The following ADGRG4 variants were observed in gnomAD, a reference collection of about 807,000 sequenced individuals.
ADGRG4 encodes the protein adhesion G protein-coupled receptor G4.
A neutral mutation model predicts 126.2 loss-of-function variants in ADGRG4; 122 were observed. The observed-to-expected ratio is 0.97, with a 90% confidence interval of 0.83 to 1.12. ADGRG4 has a LOEUF of 1.12. Ranked by LOEUF, ADGRG4 falls within the 50% of genes most tolerant of loss-of-function variation. The pLI, the probability that ADGRG4 is intolerant of heterozygous loss-of-function variation, is 0.00. For missense variants in ADGRG4, 2,481 were observed against 2,251.8 expected, an observed-to-expected ratio of 1.10 and a Z score of -2.06; for synonymous variants, 943 against 838.7, an observed-to-expected ratio of 1.12 and a Z score of -2.15.
rs192088813 is a variant in ADGRG4, at chrX:136,346,134, C to A, written c.2428C>A (p.Gln810Lys). ...TGAGGAAAGTGCTTCTGAGACCACA[C>A]AAACAGAAATAAATGGTGCAATTGT... ...STEESASETT[Q>K]TEINGAIVFG... Residue 810 changes from glutamine to lysine, a missense_variant, in exon 6 of 26, where the codon CAA (glutamine) becomes AAA (lysine). Transcript: ENST00000394143. 8.3e-7 allele frequency: 1 copy of A among 1,207,814 alleles called. No individual in the cohort carries two copies. The highest frequency in any genetic ancestry group is 1.7e-5 in the African/African-American group (1 of 57,194).
At chrX:136,301,118 G>A (rs1272704868) in intron 1 of ADGRG4, 118 bp downstream of exon 1, 1 of 111,995 alleles carries the variant, frequency 8.9e-6, no homozygotes, top group Middle Eastern at 4.2e-3. Flanking sequence ...GGGGTGGCTG[G>A]GTCAAATGGT....
chrX:136,347,395 AC>A lies in ADGRG4; in HGVS notation c.3690del (p.His1230GlnfsTer19). On this transcript the variant is annotated frameshift_variant, in exon 6 of 26. Transcript: ENST00000394143. LOFTEE classifies it high-confidence loss of function. ...AAGTTGACTACTTCAGTAAACAGTCACATTTCTTCATCTGCCACATATCGTG... is the reference window on the plus strand; with the variant it reads ...AAGTTGACTACTTCAGTAAACAGTCAATTTCTTCATCTGCCACATATCGTG... ...ANKLTTSVNS[H>X]ISSSATYRVH... The A allele has an allele frequency of 8.3e-7, 1 of 1,210,624 alleles. No individual in the cohort carries two copies. The highest frequency in any genetic ancestry group is 1.1e-6 in the Non-Finnish European group (1 of 894,662).
intron 15 of ADGRG4, among the ~76,000 whole-genome samples, chrX:136,376,414 T>C (rs2075225600): frequency 8.9e-6 from 1 of 112,074 alleles, no homozygotes; most frequent in Non-Finnish European, 1.9e-5. Flanking sequence ...TTTAGAATTT[T>C]TTTCTAGTTC....
intron 21 of ADGRG4, among the ~76,000 whole-genome samples, chrX:136,400,716 G>C (rs2075375094): frequency 9.0e-6 from 1 of 111,606 alleles, no homozygotes; most frequent in African/African-American, 3.3e-5. Context: ...ATGGGTGAAA[G>C]AGTGCTGGGT....
chrX:136,354,251 A>G (rs1423130085), intron 8 of ADGRG4, among the ~76,000 whole-genome samples: 1 of 111,847 alleles, frequency 8.9e-6, no homozygotes, highest in Non-Finnish European at 1.9e-5. Flanking sequence ...TATAACAAAA[A>G]TGCTATAGAC....
chrX:136,414,082 A>G (rs1603301734), intron 24 of ADGRG4, 78 bp from the exon 25 acceptor site: 1 of 853,622 alleles, frequency 1.2e-6, no homozygotes, highest in East Asian at 3.2e-5. Context: ...AGTGTAATTT[A>G]TATACCATAC....
chrX:136,376,132 C>T (rs2075224100), intron 15 of ADGRG4, among the ~76,000 whole-genome samples: 2 of 111,889 alleles, frequency 1.8e-5, no homozygotes, highest in African/African-American at 6.5e-5. Flanking sequence ...TACCAATTAT[C>T]CCAGCACCAT....
rs1244484065 is a variant in ADGRG4, at chrX:136,387,726, G to T, written c.7777-14G>T. 8.3e-7 allele frequency: 1 copy of T among 1,198,421 alleles called. No homozygotes were observed. Among genetic ancestry groups the T allele is most frequent in the Middle Eastern group, 2.3e-4 (1 of 4,285 alleles). On this transcript the variant is annotated splice_polypyrimidine_tract_variant and intron_variant, in intron 15 of 25. Transcript: ENST00000394143. ...TGAAGACTCCAATTTTCATTTTTTG[G>T]CTTTTCTTGGCAGATTTTCCTAGGC...
At chrX:136,342,623 G>A (rs1369903746) in intron 5 of ADGRG4, among the ~76,000 whole-genome samples, 1 of 110,744 alleles carries the variant, frequency 9.0e-6, no homozygotes, top group Non-Finnish European at 1.9e-5. Context: ...ATTGGCAGAA[G>A]TTAATCAGAT....
At chrX:136,366,271 A>C (rs1053801547) in intron 13 of ADGRG4, among the ~76,000 whole-genome samples, 3 of 112,160 alleles carry the variant, frequency 2.7e-5, no homozygotes, top group African/African-American at 9.7e-5. Context: ...AAGGCCATAT[A>C]GTTGGAATCT....
chrX:136,416,608 T>C lies in ADGRG4; in HGVS notation c.*117T>C, dbSNP rs1447575291. ...GCACCAAAATCTCACAAATCACCAC[T>C]AAATAATGTACTCATGTAACCAAAT... On this transcript the variant is annotated 3_prime_UTR_variant, in exon 26 of 26. Coordinates refer to ENST00000394143, the MANE Select transcript of ADGRG4 (RefSeq NM_153834.4). The C allele has an allele frequency of 1.2e-5, 6 of 491,590 alleles. No individual in the cohort carries two copies. The highest frequency in any genetic ancestry group is 2.0e-5 in the Non-Finnish European group (6 of 296,208). The allele number at this position is 491,590 out of a possible 1,213,427, so 40.5% of individuals were successfully genotyped here. A position where few individuals can be genotyped will look rare whatever the true frequency, so the allele number is the denominator to read the frequency against.
Position 136,346,486 on chromosome X carries a change from T to G in ADGRG4, c.2780T>G (p.Met927Arg). The change falls in exon 6 of 26, where the codon ATG (methionine) becomes AGG (arginine). Residue 927 changes from methionine to arginine, a missense_variant. Physicochemically the swap from Met to Arg is moderately conservative, Grantham distance 91. Coordinates refer to ENST00000394143, the MANE Select transcript of ADGRG4 (RefSeq NM_153834.4). Reference sequence around the variant, plus strand: ...ACACCTAGGAGTTCATACAATGAAATGACAGAAATGTTTAATTTTAACCAC... The same window carrying G: ...ACACCTAGGAGTTCATACAATGAAAGGACAGAAATGTTTAATTTTAACCAC... ...KTTPRSSYNEMTEMFNFNHTY... is the reference protein window; with the variant it reads ...KTTPRSSYNERTEMFNFNHTY... The G allele has an allele frequency of 1.7e-6, 2 of 1,210,585 alleles. No individual in the cohort carries two copies. Among genetic ancestry groups the G allele is most frequent in the South Asian group, 1.8e-5 (1 of 56,831 alleles).
At chrX:136,304,319 GT>G (rs970675256) in intron 2 of ADGRG4, 112 bp downstream of exon 2, 4 of 111,216 alleles carry the variant, frequency 3.6e-5, no homozygotes, top group African/African-American at 1.3e-4. Context: ...AAAACATAGT[GT>G]TTTTCTTTGA....
At chrX:136,358,786 T>C (rs988934969) in intron 10 of ADGRG4, among the ~76,000 whole-genome samples, 2 of 111,892 alleles carry the variant, frequency 1.8e-5, no homozygotes, top group African/African-American at 6.5e-5. Flanking sequence ...GGAGGAAGGG[T>C]TTCACAAATG....
rs529763993 is a variant in ADGRG4 at position 136,349,775 on chromosome X, A to G, written c.6069A>G (p.Val2023=). 33 of 1,207,823 alleles carry G rather than the reference A, an allele frequency of 2.7e-5. No homozygotes were observed. The African/African-American group carries it at 3.3e-4, about 12-fold the overall frequency. Reference sequence around the variant, plus strand: ...CTTCTGGCTCCCCTCCGGCAACTGTATCTAATGCCCCTCATGTTATGACTT... The same window carrying G: ...CTTCTGGCTCCCCTCCGGCAACTGTGTCTAATGCCCCTCATGTTATGACTT... ...SLPSGSPPAT[V]SNAPHVMTSS... Residue 2023 remains valine (V), a synonymous_variant, in exon 6 of 26, where the codon GTA becomes GTG. Transcript: ENST00000394143.
intron 11 of ADGRG4, among the ~76,000 whole-genome samples, chrX:136,360,096 G>C (rs886301329): frequency 9.0e-6 from 1 of 111,478 alleles, no homozygotes. Context: ...TGACGGTGCA[G>C]GGGTGTGAGT....
In ADGRG4 at chrX:136,349,414, C is replaced by T. The variant is rs2075044056; in HGVS notation, c.5708C>T (p.Thr1903Ile). ...ATTTCCACCACTATTAATGTACCTACATCCAATGAGATGGAAACAGAGACT... is the reference window on the plus strand; with the variant it reads ...ATTTCCACCACTATTAATGTACCTATATCCAATGAGATGGAAACAGAGACT... Reference protein sequence around the residue: ...FPISTTINVPTSNEMETETLH... With the variant: ...FPISTTINVPISNEMETETLH... Residue 1903 changes from threonine (T) to isoleucine (I), a missense_variant, in exon 6 of 26, where the codon ACA becomes ATA. Thr to Ile is a moderately conservative substitution (Grantham distance 89). Transcript: ENST00000394143. 4 of 1,203,602 alleles carry T rather than the reference C, an allele frequency of 3.3e-6. No individual in the cohort carries two copies. Among genetic ancestry groups the T allele is most frequent in the South Asian group, 3.5e-5 (2 of 56,639 alleles).
At chrX:136,406,430 T>G (rs2075410640) in intron 23 of ADGRG4, among the ~76,000 whole-genome samples, 1 of 112,389 alleles carries the variant, frequency 8.9e-6, no homozygotes, top group Admixed American at 9.4e-5. Flanking sequence ...ATCAAAGGGC[T>G]GTGGGAAAGG....
intron 15 of ADGRG4, among the ~76,000 whole-genome samples, chrX:136,373,348 T>C (rs1468350753): frequency 8.9e-6 from 1 of 111,785 alleles, no homozygotes; most frequent in Non-Finnish European, 1.9e-5. Context: ...ACATTATATG[T>C]TGGACATTGT....
Sources: gnomAD v4.1 joint callset for allele counts (sites outside exome capture counted in the v4.1 genomes callset) on GRCh38, gnomAD v4.1.1 for gene constraint, MANE v1.5 for transcripts, NCBI Gene and HGNC (gene_info 2026-07-23, HGNC 2026-07-21) for gene names.